ANKFN1: variants seen among roughly 807,000 people sequenced by gnomAD.
ANKFN1 encodes the protein ankyrin repeat and fibronectin type III domain containing 1, also known as ankyrin repeat and fibronectin type-III domain-containing protein 1.
ANKFN1 carries 74 observed loss-of-function variants against 108.7 expected under a neutral mutation model. The observed-to-expected ratio is 0.68, with a 90% CI of 0.56 to 0.83. The LOEUF (loss-of-function observed/expected upper bound fraction) is 0.83. Among genes scored for constraint, ANKFN1 ranks in the 40% least tolerant of loss-of-function variants. ANKFN1 has a pLI of 0.00. For synonymous variants in ANKFN1, 547 were observed against 516.2 expected, an observed-to-expected ratio of 1.06 and a Z score of -0.81; for missense variants, 1,505 against 1,382.3, an observed-to-expected ratio of 1.09 and a Z score of -1.41.
At chr17:56,442,162 T>C (rs1008106809) in intron 9 of ANKFN1, among the ~76,000 whole-genome samples, 13 of 152,152 alleles carry the variant, frequency 8.5e-5, no homozygotes, top group African/African-American at 2.7e-4. Flanking sequence ...GGCTTTAAAA[T>C]TGAAGTCACA....
intron 6 of ANKFN1, among the ~76,000 whole-genome samples, chr17:56,355,106 G>T (rs967151487): frequency 6.6e-6 from 1 of 152,082 alleles, no homozygotes; most frequent in Non-Finnish European, 1.5e-5. Flanking sequence ...GCTTTTGAAT[G>T]TTCTCACCAC....
upstream of ANKFN1, among the ~76,000 whole-genome samples, chr17:56,151,568 A>G (rs1908611593): frequency 6.6e-6 from 1 of 152,126 alleles, no homozygotes; most frequent in African/African-American, 2.4e-5. Context: ...GCCTCTTTAG[A>G]GTAGATGGGC....
At chr17:56,230,275 G>A (rs865937755) in intron 3 of ANKFN1, among the ~76,000 whole-genome samples, 1 of 152,074 alleles carries the variant, frequency 6.6e-6, no homozygotes, top group Non-Finnish European at 1.5e-5. Context: ...TAATGGCTAA[G>A]TCCCAGTTCA....
At chr17:56,479,201 A>G (rs1472331845) in intron 16 of ANKFN1, among the ~76,000 whole-genome samples, 1 of 152,214 alleles carries the variant, frequency 6.6e-6, no homozygotes, top group Non-Finnish European at 1.5e-5. Context: ...CATTTGTACA[A>G]AAGATTCCAG....
intron 20 of ANKFN1, among the ~76,000 whole-genome samples, chr17:56,509,451 G>A (rs1354959118): frequency 6.6e-6 from 1 of 152,154 alleles, no homozygotes; most frequent in African/African-American, 2.4e-5. Flanking sequence ...TAATGACCCA[G>A]CTAAGCCAGG....
At chr17:56,387,290 G>T (rs1374841566) in intron 8 of ANKFN1, among the ~76,000 whole-genome samples, 3 of 152,014 alleles carry the variant, frequency 2.0e-5, no homozygotes, top group Non-Finnish European at 4.4e-5. Context: ...ATGGGTTTAA[G>T]GCTGTAAATG....
intron 4 of ANKFN1, among the ~76,000 whole-genome samples, chr17:56,055,566 C>CATACATATATATATATATAT (rs1555588763): frequency 8.4e-5 from 4 of 47,460 alleles, no homozygotes; most frequent in East Asian, 4.8e-4. Flanking sequence ...GGTATATATA[C>CATACATATATATATATATAT]ATATATATAT....
intron 1 of ANKFN1, among the ~76,000 whole-genome samples, chr17:56,179,037 C>T (rs1598187538): frequency 6.6e-6 from 1 of 152,038 alleles, no homozygotes; most frequent in Non-Finnish European, 1.5e-5. Flanking sequence ...AAGAAATTTC[C>T]AGTTACTAAT....
At chr17:56,488,355 T>C (rs1366593892) in intron 18 of ANKFN1, among the ~76,000 whole-genome samples, 1 of 152,078 alleles carries the variant, frequency 6.6e-6, no homozygotes, top group Non-Finnish European at 1.5e-5. Context: ...TGGATGTGGT[T>C]GAAGAGCAAG....
intron 15 of ANKFN1, chr17:56,473,251 C>T (rs1035988484): frequency 6.6e-6 from 1 of 152,070 alleles, no homozygotes. Context: ...AAAAAACAAT[C>T]CATTTTGGCT....
intron 8 of ANKFN1, among the ~76,000 whole-genome samples, chr17:56,379,535 TTTTG>T: frequency 6.6e-6 from 1 of 152,328 alleles, no homozygotes; most frequent in South Asian, 2.1e-4. Flanking sequence ...ATATACAAAA[TTTTG>T]TTTATGTGCT....
intron 4 of ANKFN1, among the ~76,000 whole-genome samples, chr17:56,064,879 C>T (rs1905036011): frequency 6.6e-6 from 1 of 152,218 alleles, no homozygotes; most frequent in Non-Finnish European, 1.5e-5. Context: ...ATCTTCCAAT[C>T]TGTGGGTCGC....
intron 3 of ANKFN1, among the ~76,000 whole-genome samples, chr17:56,298,021 T>TCCATGGA (rs1274020908): frequency 6.6e-6 from 1 of 151,978 alleles, no homozygotes; most frequent in Non-Finnish European, 1.5e-5. Flanking sequence ...CAGAGTGCGG[T>TCCATGGA]CCATGGACTA....
At chr17:56,431,899 G>C (rs559718969) in intron 8 of ANKFN1, among the ~76,000 whole-genome samples, 1 of 152,312 alleles carries the variant, frequency 6.6e-6, no homozygotes, top group Non-Finnish European at 1.5e-5. Context: ...TGCTCTCCTT[G>C]CTCTGTTCCT....
intron 4 of ANKFN1, among the ~76,000 whole-genome samples, chr17:56,337,890 G>A (rs767477992): frequency 2.0e-5 from 3 of 152,210 alleles, no homozygotes; most frequent in Non-Finnish European, 4.4e-5. Flanking sequence ...GTGGAAGACA[G>A]TGTGGGGATT....
At chr17:56,093,067 A>T (rs1905450818) in intron 4 of ANKFN1, among the ~76,000 whole-genome samples, 2 of 151,130 alleles carry the variant, frequency 1.3e-5, no homozygotes, top group Non-Finnish European at 1.5e-5. Context: ...TATCTGCAAA[A>T]TCCTTTATGC....
chr17:56,326,280 A>C lies in ANKFN1; in HGVS notation c.113A>C (p.Gln38Pro), dbSNP rs566813458. 6.2e-7 allele frequency: 1 copy of C among 1,614,024 alleles called. No homozygotes were observed. Among genetic ancestry groups the C allele is most frequent in the South Asian group, 1.1e-5 (1 of 91,062 alleles). ...CTGAGCCACAGGAGAAAGCAAAGCCAATGTGATTTATTGAATGAAAGCACT... is the reference window on the plus strand; with the variant it reads ...CTGAGCCACAGGAGAAAGCAAAGCCCATGTGATTTATTGAATGAAAGCACT... ...QRLSHRRKQS[Q>P]CDLLNESTGQ... Residue 38 changes from glutamine to proline, a missense_variant, in exon 4 of 21, where the codon CAA becomes CCA. Gln to Pro is a moderately conservative substitution (Grantham distance 76). Transcript: ENST00000682825.
intron 4 of ANKFN1, among the ~76,000 whole-genome samples, chr17:56,132,024 T>C (rs1315271084): frequency 6.6e-6 from 1 of 152,214 alleles, no homozygotes; most frequent in East Asian, 1.9e-4. Context: ...TTCCTTTCAA[T>C]GTAAGAATTC....
chr17:56,384,807 A>G (rs1187140301), intron 8 of ANKFN1, among the ~76,000 whole-genome samples: 2 of 152,144 alleles, frequency 1.3e-5, no homozygotes, highest in Non-Finnish European at 2.9e-5. Context: ...CCACTGCTCA[A>G]TGAAATAAAA....
Sources: allele counts gnomAD v4.1 joint callset (sites outside exome capture counted in the v4.1 genomes callset), GRCh38; gene constraint gnomAD v4.1.1; transcripts MANE v1.5; gene names NCBI Gene and HGNC (gene_info 2026-07-23, HGNC 2026-07-21).